Variants in SNX29 observed in about 807,000 individuals in gnomAD.
SNX29 encodes sorting nexin-29.
In SNX29, 78 loss-of-function variants were observed where a neutral mutation model predicts 102.1. The observed-to-expected ratio is 0.76, with a 90% CI of 0.64 to 0.92. SNX29 has a LOEUF of 0.92. SNX29 is among the 40% of genes least tolerant of loss of function. The pLI is 0.00. For synonymous variants in SNX29, 580 were observed against 414.5 expected (o/e 1.40, Z -4.85); for missense variants, 1,280 against 1,061.7 (o/e 1.21, Z -2.86).
chr16:12,422,299 G>A (rs2084905136), intron 18 of SNX29, among the ~76,000 whole-genome samples: 1 of 152,154 alleles, frequency 6.6e-6, no homozygotes, highest in Non-Finnish European at 1.5e-5. Context: ...CTCATGAGGT[G>A]GCAGAGAGGA....
intron 14 of SNX29, among the ~76,000 whole-genome samples, chr16:12,247,726 A>C (rs1033060034): frequency 5.9e-5 from 9 of 152,162 alleles, no homozygotes; most frequent in African/African-American, 2.2e-4. Context: ...AGCGGCCTCC[A>C]GACTAGTTTT....
intron 1 of SNX29, among the ~76,000 whole-genome samples, chr16:11,992,902 C>T (rs72784609): frequency 0.079 from 12,033 of 152,150 alleles, 792 homozygotes; most frequent in African/African-American, 0.18. Context: ...GGGCTCACGC[C>T]TGCAATCCCA....
chr16:12,328,153 A>G (rs1332580949), intron 15 of SNX29, among the ~76,000 whole-genome samples: 2 of 152,144 alleles, frequency 1.3e-5, no homozygotes, highest in Admixed American at 6.5e-5. Context: ...TGCATATGGC[A>G]CGTTTGGCAC....
At chr16:12,445,463 A>G (rs963872089) in intron 18 of SNX29, among the ~76,000 whole-genome samples, 5 of 152,202 alleles carry the variant, frequency 3.3e-5, no homozygotes, top group Non-Finnish European at 7.3e-5. Context: ...CCCTGAGGGT[A>G]GGGCTCTCTC....
rs542227188 is a variant in SNX29, at chr16:12,161,654, G to T, written c.1595+31896G>T. Among the ~76,000 whole-genome samples the T allele has an allele frequency of 7.2e-5, 11 of 152,222 alleles. No individual in the cohort carries two copies. The South Asian group carries it at 2.3e-3, about 32-fold the overall frequency. On this transcript the variant is annotated intron_variant, in intron 13 of 20. Coordinates refer to ENST00000566228, the MANE Select transcript of SNX29 (RefSeq NM_032167.5). ...AAGTATTGGGTCACGGGGACAGGTG[G>T]GTCCCTCATGAATGGCTTAGCACAC...
chr16:12,005,350 A>C (rs1053637529), intron 3 of SNX29, among the ~76,000 whole-genome samples: 2 of 152,056 alleles, frequency 1.3e-5, no homozygotes, highest in African/African-American at 4.8e-5. Flanking sequence ...TCCTAGTTGT[A>C]CTGGAGCAGG....
chr16:12,538,901 C>G (rs1484583147), intron 20 of SNX29, among the ~76,000 whole-genome samples: 1 of 151,848 alleles, frequency 6.6e-6, no homozygotes, highest in Non-Finnish European at 1.5e-5. Flanking sequence ...AGATTAATGA[C>G]CTGTTCTAAG....
At chr16:12,131,418 A>G (rs997993816) in intron 13 of SNX29, among the ~76,000 whole-genome samples, 2 of 152,194 alleles carry the variant, frequency 1.3e-5, no homozygotes, top group African/African-American at 4.8e-5. Context: ...CATGTAATCT[A>G]TGCCTGTGAT....
At chr16:12,358,366 T>TCGAGA (rs560775101) in intron 16 of SNX29, among the ~76,000 whole-genome samples, 73 of 152,306 alleles carry the variant, frequency 4.8e-4, no homozygotes, top group Non-Finnish European at 8.8e-4. Context: ...GATCAGGAGT[T>TCGAGA]CGAGACCAGC....
chr16:12,207,793 G>C (rs1596508823), intron 14 of SNX29, among the ~76,000 whole-genome samples: 1 of 152,282 alleles, frequency 6.6e-6, no homozygotes, highest in African/African-American at 2.4e-5. Flanking sequence ...CTTGCTACGA[G>C]CAGTAAGCAG....
chr16:12,364,752 C>T (rs896306286), intron 16 of SNX29, among the ~76,000 whole-genome samples: 5 of 152,168 alleles, frequency 3.3e-5, no homozygotes, highest in African/African-American at 1.2e-4. Flanking sequence ...TGGCAAGGCT[C>T]TGTTTCTCTG....
intron 19 of SNX29, among the ~76,000 whole-genome samples, chr16:12,482,455 C>T (rs1267143254): frequency 6.6e-6 from 1 of 152,100 alleles, no homozygotes; most frequent in East Asian, 1.9e-4. Context: ...GCATGCAGCA[C>T]CATGCCTGTC....
chr16:12,012,659 G>A (rs776592891), intron 3 of SNX29, among the ~76,000 whole-genome samples: 19 of 152,056 alleles, frequency 1.2e-4, no homozygotes, highest in Non-Finnish European at 2.2e-4. Context: ...TGCCCGCCTC[G>A]GCCTCCCAAA....
chr16:12,265,984 AT>A (rs1474437507), intron 14 of SNX29, among the ~76,000 whole-genome samples: 1 of 152,168 alleles, frequency 6.6e-6, no homozygotes, highest in East Asian at 1.9e-4. Flanking sequence ...AGTTACCATT[AT>A]CCCCATTTTA....
In SNX29 at chr16:12,096,533, T is replaced by C. The variant is rs2052774630; in HGVS notation, c.1402+17618T>C. Among the ~76,000 whole-genome samples, 2 of 152,210 alleles carry C rather than the reference T, an allele frequency of 1.3e-5. No individual in the cohort carries two copies. Among genetic ancestry groups the C allele is most frequent in the Non-Finnish European group, 1.5e-5 (1 of 68,024 alleles). On this transcript the variant is annotated intron_variant, in intron 11 of 20. Coordinates refer to ENST00000566228, the MANE Select transcript of SNX29 (RefSeq NM_032167.5). This position sits in a 1 kb window ranked among gnomAD's most constrained non-coding sequence, Gnocchi z 4.2. ...CACAGAGAGTGCTTTGACATTGCGC[T>C]CAGCACTCAGGAGATGTTAGCTCTT...
rs751090868 is a variant in SNX29 at position 12,515,956 on chromosome 16, G to A, written c.2179-8746G>A. Among the ~76,000 whole-genome samples the A allele has an allele frequency of 6.6e-5, 10 of 152,170 alleles. 1 individual carries two copies. Among genetic ancestry groups the A allele is most frequent in the Admixed American group, 5.2e-4 (8 of 15,286 alleles). On this transcript the variant is annotated intron_variant, in intron 19 of 20. Coordinates refer to ENST00000566228, the MANE Select transcript of SNX29 (RefSeq NM_032167.5). ...ATCAGGCAGCCCCTCCTTTCTCCAC[G>A]TGTGGGCTACATGCTCCCAGAGAAA...
chr16:12,547,785 C>G (rs188217302), intron 20 of SNX29, among the ~76,000 whole-genome samples: 19 of 152,276 alleles, frequency 1.2e-4, no homozygotes, highest in East Asian at 1.2e-3. Context: ...GCCTGGCTAC[C>G]GAACAGAATG....
chr16:12,455,416 C>T (rs540298928), intron 18 of SNX29, among the ~76,000 whole-genome samples: 7 of 152,290 alleles, frequency 4.6e-5, no homozygotes, highest in African/African-American at 1.7e-4. Flanking sequence ...GGCCAGCACC[C>T]GCCGTGGCTG....
At chr16:12,044,693 C>T (rs990539780) in intron 5 of SNX29, among the ~76,000 whole-genome samples, 12 of 152,198 alleles carry the variant, frequency 7.9e-5, no homozygotes, top group African/African-American at 2.9e-4. Flanking sequence ...ATTCTCCTGC[C>T]TCAGCCTCCC....
Sources: allele counts gnomAD v4.1 joint callset (sites outside exome capture counted in the v4.1 genomes callset), GRCh38; gene constraint gnomAD v4.1.1; non-coding constraint Gnocchi (gnomAD v3.1); transcripts MANE v1.5; gene names NCBI Gene and HGNC (gene_info 2026-07-23, HGNC 2026-07-21).